The following SPOCK1 variants were observed in gnomAD, a reference collection of about 807,000 sequenced individuals.
SPOCK1 encodes the protein testican-1.
A neutral mutation model predicts 55.3 loss-of-function variants in SPOCK1; 23 were observed. The ratio of observed to expected loss-of-function variants is 0.42; its 90% CI spans 0.30 to 0.59. The LOEUF (loss-of-function observed/expected upper bound fraction) is 0.59. Ranked by LOEUF, SPOCK1 falls within the 20% of genes least tolerant of loss-of-function variation. The probability of loss-of-function intolerance (pLI) is 0.22; values close to 1 mark genes in which losing one functional copy is unlikely to be tolerated. For missense variants in SPOCK1, 499 were observed against 552.5 expected (o/e 0.90, Z 0.97); for synonymous variants, 226 against 221.0 (o/e 1.02, Z -0.20).
chr5:137,456,378 A>C (rs990131544), intron 2 of SPOCK1, among the ~76,000 whole-genome samples: 2 of 152,186 alleles, frequency 1.3e-5, no homozygotes, highest in African/African-American at 2.4e-5. Context: ...ACATACTTTT[A>C]ATACTTATAA....
chr5:137,384,563 C>CATATAT lies in SPOCK1; in HGVS notation c.186+113804_186+113809dup, dbSNP rs368458010. Among the ~76,000 whole-genome samples, 1,098 of 133,534 alleles carry CATATAT rather than the reference C, an allele frequency of 8.2e-3. 17 individuals are homozygous for CATATAT. Among genetic ancestry groups the CATATAT allele is most frequent in the African/African-American group, 0.035 (1,002 of 28,748 alleles). 87.6% of individuals were successfully genotyped at this position (133,534 alleles called of 152,430 possible). A position where few individuals can be genotyped will look rare whatever the true frequency, so the allele number is the denominator to read the frequency against. On this transcript the variant is annotated intron_variant, in intron 2 of 10. Transcript: ENST00000394945. The stretch of plus-strand genomic sequence containing the variant: ...ATATATACACACATATACATACATA[C>CATATAT]ATATATATATATATATGTATGTATT...
intron 8 of SPOCK1, among the ~76,000 whole-genome samples, chr5:136,986,647 G>A (rs1281933471): frequency 6.6e-6 from 1 of 152,060 alleles, no homozygotes; most frequent in Non-Finnish European, 1.5e-5. Context: ...TAGTAAGGTG[G>A]TTGAGAACAA....
At chr5:137,476,223 C>T (rs1753835505) in intron 2 of SPOCK1, among the ~76,000 whole-genome samples, 1 of 152,014 alleles carries the variant, frequency 6.6e-6, no homozygotes, top group African/African-American at 2.4e-5. Context: ...CCAAATTATA[C>T]AGTTGCTTAT....
intron 3 of SPOCK1, among the ~76,000 whole-genome samples, chr5:137,258,697 A>G (rs1226943402): frequency 1.3e-5 from 2 of 152,218 alleles, no homozygotes; most frequent in Non-Finnish European, 2.9e-5. Flanking sequence ...TATACAACTA[A>G]CACCACATTT....
chr5:137,162,580 A>T (rs566183764), intron 3 of SPOCK1, among the ~76,000 whole-genome samples: 1 of 152,246 alleles, frequency 6.6e-6, no homozygotes, highest in South Asian at 2.1e-4. Context: ...GGTGGGGGTG[A>T]TGCTACTGGT....
rs899086180 is a variant in SPOCK1 at position 136,978,241 on chromosome 5, C to T, written c.*413G>A. On this transcript the variant is annotated 3_prime_UTR_variant, in exon 11 of 11. Transcript: ENST00000394945. ...ACATCTACAGGACACAAGAGAAGCA[C>T]TTAGACACTGTAAGGCTGGGAACCA... 2 of 307,212 alleles carry T rather than the reference C, an allele frequency of 6.5e-6. No individual in the cohort carries two copies. The highest frequency in any genetic ancestry group is 1.2e-5 in the Non-Finnish European group (2 of 169,566). 19.0% of individuals were successfully genotyped at this position (307,212 alleles called of 1,614,324 possible). A position where few individuals can be genotyped will look rare whatever the true frequency, so the allele number is the denominator to read the frequency against.
At chr5:137,359,604 T>C (rs1750896739) in intron 2 of SPOCK1, among the ~76,000 whole-genome samples, 1 of 152,220 alleles carries the variant, frequency 6.6e-6, no homozygotes, top group Admixed American at 6.5e-5. Context: ...GGTAAAGAAA[T>C]GCAAATTGTG....
intron 2 of SPOCK1, among the ~76,000 whole-genome samples, chr5:137,452,974 A>G (rs1026886578): frequency 6.6e-6 from 1 of 152,214 alleles, no homozygotes; most frequent in Non-Finnish European, 1.5e-5. Context: ...CTAAGAATCC[A>G]GGACACCTTC....
At chr5:137,007,973 G>A (rs1407063440) in intron 6 of SPOCK1, among the ~76,000 whole-genome samples, 1 of 152,034 alleles carries the variant, frequency 6.6e-6, no homozygotes, top group Non-Finnish European at 1.5e-5. Flanking sequence ...AAAAGGATGA[G>A]TTCACGTCCT....
chr5:137,050,485 C>T (rs905849609), intron 6 of SPOCK1, among the ~76,000 whole-genome samples: 7 of 150,914 alleles, frequency 4.6e-5, no homozygotes, highest in South Asian at 4.2e-4. Context: ...GGCAATGCCT[C>T]GCCCTGCTTC....
At chr5:137,452,766 T>C (rs1232390353) in intron 2 of SPOCK1, among the ~76,000 whole-genome samples, 1 of 152,224 alleles carries the variant, frequency 6.6e-6, no homozygotes, top group African/African-American at 2.4e-5. Context: ...CCTTGGCACA[T>C]GGGCAGTTAT....
chr5:137,356,836 TATAG>T (rs1196084998), intron 2 of SPOCK1, among the ~76,000 whole-genome samples: 18 of 8,778 alleles, frequency 2.1e-3, no homozygotes, highest in Middle Eastern at 0.083. Flanking sequence ...TATATATATA[TATAG>T]AGAGAGAGAG....
At chr5:137,185,352 T>C (rs574271071) in intron 3 of SPOCK1, among the ~76,000 whole-genome samples, 2 of 152,314 alleles carry the variant, frequency 1.3e-5, no homozygotes, top group South Asian at 2.1e-4. Flanking sequence ...CACCAGAAGA[T>C]AGCCACCAGC....
intron 2 of SPOCK1, among the ~76,000 whole-genome samples, chr5:137,374,008 A>G (rs7716899): frequency 0.066 from 10,079 of 152,314 alleles, 634 homozygotes; most frequent in African/African-American, 0.16. Context: ...TCTAGTTAAA[A>G]TGGGGAGATG....
chr5:137,316,925 C>A (rs555741643), intron 2 of SPOCK1, among the ~76,000 whole-genome samples: 1 of 152,300 alleles, frequency 6.6e-6, no homozygotes, highest in African/African-American at 2.4e-5. Flanking sequence ...CATTTAAGAA[C>A]CAAAGCCCCC....
chr5:137,059,781 A>G (rs546603656), intron 6 of SPOCK1, among the ~76,000 whole-genome samples: 1 of 152,356 alleles, frequency 6.6e-6, no homozygotes, highest in African/African-American at 2.4e-5. Context: ...ACTCCCTTAA[A>G]AAGTGGGCAA....
At chr5:137,007,615 C>A (rs185801279) in intron 6 of SPOCK1, among the ~76,000 whole-genome samples, 7 of 152,106 alleles carry the variant, frequency 4.6e-5, no homozygotes, top group Non-Finnish European at 8.8e-5. Flanking sequence ...GTTAGAATGG[C>A]GCTCATTAAA....
At chr5:137,033,955 A>G (rs1193758733) in intron 6 of SPOCK1, among the ~76,000 whole-genome samples, 2 of 152,192 alleles carry the variant, frequency 1.3e-5, no homozygotes, top group Non-Finnish European at 1.5e-5. Flanking sequence ...TGTGTTTTAT[A>G]ATAGTATCAT....
intron 2 of SPOCK1, 60 bp downstream of exon 2, chr5:137,498,313 T>C: frequency 7.0e-7 from 1 of 1,427,442 alleles, no homozygotes. Context: ...CCAACCCCGC[T>C]TCAGGGGTCC....
Sources: gnomAD v4.1 joint callset for allele counts (sites outside exome capture counted in the v4.1 genomes callset) on GRCh38, gnomAD v4.1.1 for gene constraint, MANE v1.5 for transcripts, NCBI Gene and HGNC (gene_info 2026-07-23, HGNC 2026-07-21) for gene names.